Variants in POU2F1 observed in about 807,000 individuals in gnomAD.
POU2F1 encodes the protein POU class 2 homeobox 1.
Under a neutral mutation model 84.9 loss-of-function variants are expected in POU2F1, and 16 were observed. The observed-to-expected ratio is 0.19, with a 90% CI of 0.13 to 0.29. The LOEUF (loss-of-function observed/expected upper bound fraction) is 0.29, where lower values mean the gene tolerates loss of function less well. Ranked by LOEUF, POU2F1 falls within the 10% of genes least tolerant of loss-of-function variation. The probability of loss-of-function intolerance (pLI) is 1.00; values close to 1 mark genes in which losing one functional copy is unlikely to be tolerated. For synonymous variants in POU2F1, 368 were observed against 368.3 expected, an observed-to-expected ratio of 1.00 and a Z score of 0.01; for missense variants, 738 against 942.6, an observed-to-expected ratio of 0.78 and a Z score of 2.84.
chr1:167,373,132 G>A lies in POU2F1; in HGVS notation c.403-976G>A, dbSNP rs114910960. 3.2e-3 allele frequency among the ~76,000 whole-genome samples: 480 copies of A among 152,116 alleles called. 2 individuals are homozygous for A. Among genetic ancestry groups the A allele is most frequent in the African/African-American group, 0.011 (452 of 41,524 alleles). ...GGGTATTGAGTTTTTGAATGGTTTG[G>A]TTTTGAGCCTTATGTTTCTAATGCA... On this transcript the variant is annotated intron_variant, in intron 5 of 15. Transcript: ENST00000367866.
chr1:167,393,510 T>A (rs1217957390), intron 9 of POU2F1, among the ~76,000 whole-genome samples: 1 of 152,144 alleles, frequency 6.6e-6, no homozygotes, highest in African/African-American at 2.4e-5. Flanking sequence ...TTATTTATTT[T>A]TTTTAGAGAG....
rs1463653842 is a variant in POU2F1, at chr1:167,420,705, T to G, written c.*4895T>G. On this transcript the variant is annotated 3_prime_UTR_variant, in exon 16 of 16. Coordinates refer to ENST00000367866, the MANE Select transcript of POU2F1 (RefSeq NM_002697.4). ...CCCTGCCAGGGAGAAGTCAGTAGTA[T>G]TGCTGACTCACTGTATCACTGAGTG... The G allele has an allele frequency of 6.6e-6, 1 of 152,190 alleles. No homozygotes were observed. Among genetic ancestry groups the G allele is most frequent in the Non-Finnish European group, 1.5e-5 (1 of 68,042 alleles). The allele number at this position is 152,190 out of a possible 1,614,324, so 9.4% of individuals were successfully genotyped here. A position where few individuals can be genotyped will look rare whatever the true frequency, so the allele number is the denominator to read the frequency against.
intron 5 of POU2F1, among the ~76,000 whole-genome samples, chr1:167,373,080 A>G (rs1660112102): frequency 6.6e-6 from 1 of 152,098 alleles, no homozygotes; most frequent in African/African-American, 2.4e-5. Flanking sequence ...ATATATCTAT[A>G]CTTTATATAC....
rs890774246 is a variant in POU2F1, at chr1:167,419,755, CA to C, written c.*3947del. On this transcript the variant is annotated 3_prime_UTR_variant, in exon 16 of 16. Coordinates refer to ENST00000367866, the MANE Select transcript of POU2F1 (RefSeq NM_002697.4). ...GTTATCAGAAAGATCAATACTATCC[CA>C]ATTTATTCAACTTGTTACCCAAGAA... 1.3e-5 allele frequency: 2 copies of C among 152,132 alleles called. No homozygotes were observed. Among genetic ancestry groups the C allele is most frequent in the Non-Finnish European group, 2.9e-5 (2 of 68,032 alleles). 9.4% of individuals were successfully genotyped at this position (152,132 alleles called of 1,614,324 possible).
At chr1:167,326,149 T>A (rs1656696082) in intron 1 of POU2F1, among the ~76,000 whole-genome samples, 1 of 152,162 alleles carries the variant, frequency 6.6e-6, no homozygotes, top group South Asian at 2.1e-4. Flanking sequence ...TTATCATTTA[T>A]TGGCCTCTTC....
intron 1 of POU2F1, among the ~76,000 whole-genome samples, chr1:167,280,427 ACT>A (rs1207917202): frequency 6.6e-6 from 1 of 151,726 alleles, no homozygotes; most frequent in African/African-American, 2.4e-5. Flanking sequence ...TGGAAAAATA[ACT>A]CTGAACACTT....
At chr1:167,347,632 A>C (rs1006671492) in intron 2 of POU2F1, among the ~76,000 whole-genome samples, 2 of 152,198 alleles carry the variant, frequency 1.3e-5, no homozygotes, top group South Asian at 2.1e-4. Context: ...ATCCAGGTCC[A>C]AAACATTTTC....
rs201855471 is a variant in POU2F1, at chr1:167,301,897, AT to A, written c.62-30567del. ...TCTCTTAAAGTATGGACAGATCAAA[AT>A]TTTTTAAGAGGAAAGAATTTAATTT... On this transcript the variant is annotated intron_variant, in intron 1 of 15. Transcript: ENST00000367866. Among the ~76,000 whole-genome samples the A allele has an allele frequency of 5.2e-3, 798 of 152,056 alleles. 9 individuals are homozygous for A. The highest frequency in any genetic ancestry group is 0.018 in the African/African-American group (767 of 41,460).
At chr1:167,222,031 C>G (rs1341095177) in intron 1 of POU2F1, among the ~76,000 whole-genome samples, 2 of 152,080 alleles carry the variant, frequency 1.3e-5, no homozygotes, top group Non-Finnish European at 2.9e-5. Flanking sequence ...CCCCTCCGTT[C>G]CCCCCACCCC....
chr1:167,348,529 T>C (rs1260368258), intron 2 of POU2F1, among the ~76,000 whole-genome samples: 2 of 152,256 alleles, frequency 1.3e-5, no homozygotes, highest in Non-Finnish European at 2.9e-5. Context: ...TACAGCCATT[T>C]TAATGGGATT....
intron 2 of POU2F1, among the ~76,000 whole-genome samples, chr1:167,349,557 A>C (rs557587414): frequency 6.6e-6 from 1 of 152,202 alleles, no homozygotes; most frequent in African/African-American, 2.4e-5. Context: ...AGTGCTTGCT[A>C]TACAGTATAT....
rs1291997762 is a variant in POU2F1, at chr1:167,423,988, T to C, written c.*8178T>C. 1 of 152,194 alleles carries C rather than the reference T, an allele frequency of 6.6e-6. No homozygotes were observed. The highest frequency in any genetic ancestry group is 1.5e-5 in the Non-Finnish European group (1 of 68,034). 9.4% of individuals were successfully genotyped at this position (152,194 alleles called of 1,614,324 possible). On this transcript the variant is annotated 3_prime_UTR_variant, in exon 16 of 16. Coordinates refer to ENST00000367866, the MANE Select transcript of POU2F1 (RefSeq NM_002697.4). ...GCCAAGTAGAGAAAAGACTTTGTGC[T>C]CCCACCCAGCCTTAATGAGTCTCAT...
At chr1:167,373,902 C>T (rs1237165459) in intron 5 of POU2F1, among the ~76,000 whole-genome samples, 1 of 151,872 alleles carries the variant, frequency 6.6e-6, no homozygotes, top group Non-Finnish European at 1.5e-5. Flanking sequence ...TGATTAAGTC[C>T]ATAGTGGGGA....
chr1:167,319,002 TGC>T (rs1656122321), intron 1 of POU2F1: 1 of 153,656 alleles, frequency 6.5e-6, no homozygotes, highest in African/African-American at 2.4e-5. Flanking sequence ...CTGGTTGTCC[TGC>T]TTTCCTCAGG....
chr1:167,418,321 G>T lies in POU2F1; in HGVS notation c.*2511G>T, dbSNP rs1251235567. 1.3e-5 allele frequency: 2 copies of T among 152,142 alleles called. No homozygotes were observed. Among genetic ancestry groups the T allele is most frequent in the African/African-American group, 4.8e-5 (2 of 41,428 alleles). 9.4% of individuals were successfully genotyped at this position (152,142 alleles called of 1,614,324 possible). A position where few individuals can be genotyped will look rare whatever the true frequency, so the allele number is the denominator to read the frequency against. ...TATTAGGTTGGTGTGTAAATAGAAT[G>T]ACAATGTCAATTACTAATTTCTCTC... is the stretch of plus-strand genomic sequence containing the variant. On this transcript the variant is annotated 3_prime_UTR_variant, in exon 16 of 16. Transcript: ENST00000367866.
chr1:167,415,988 A>G lies in POU2F1; in HGVS notation c.*178A>G. The G allele has an allele frequency of 1.4e-6, 1 of 721,736 alleles. No homozygotes were observed. 44.7% of individuals were successfully genotyped at this position (721,736 alleles called of 1,614,324 possible). A position where few individuals can be genotyped will look rare whatever the true frequency, so the allele number is the denominator to read the frequency against. ...ACACCCATACACACATACCAGAAAA[A>G]GAAAGAAAGGATGGAGACGGAACAT... On this transcript the variant is annotated 3_prime_UTR_variant, in exon 16 of 16. Transcript: ENST00000367866.
chr1:167,324,314 C>T (rs191658404), intron 1 of POU2F1, among the ~76,000 whole-genome samples: 23 of 134,916 alleles, frequency 1.7e-4, no homozygotes, highest in African/African-American at 7.7e-4. Flanking sequence ...TACATTTATA[C>T]CTGGAAAGAA....
rs1446903876 is a variant in POU2F1, at chr1:167,412,074, C to T, written c.1671C>T (p.Thr557=). 1 of 1,614,066 alleles carries T rather than the reference C, an allele frequency of 6.2e-7. No individual in the cohort carries two copies. The highest frequency in any genetic ancestry group is 8.5e-7 in the Non-Finnish European group (1 of 1,180,024). ...LSPSPSASAS[T]SEASSASETS... is the part of the protein sequence containing the mutation. Reference sequence around the variant, plus strand: ...CCTCCCCTTCTGCCTCAGCCTCCACCTCCGAGGCATCCAGTGCCAGTGAGA... The same window carrying T: ...CCTCCCCTTCTGCCTCAGCCTCCACTTCCGAGGCATCCAGTGCCAGTGAGA... The change falls in exon 14 of 16, where the codon ACC becomes ACT. Residue 557 remains threonine (T), a synonymous_variant. Transcript: ENST00000367866.
At chr1:167,349,466 A>G (rs1658415547) in intron 2 of POU2F1, among the ~76,000 whole-genome samples, 1 of 151,982 alleles carries the variant, frequency 6.6e-6, no homozygotes, top group Admixed American at 6.6e-5. Context: ...CATTTTTATT[A>G]TCTATTTCCC....
Sources: gnomAD v4.1 joint callset for allele counts (sites outside exome capture counted in the v4.1 genomes callset) on GRCh38, gnomAD v4.1.1 for gene constraint, MANE v1.5 for transcripts, NCBI Gene and HGNC (gene_info 2026-07-23, HGNC 2026-07-21) for gene names.